The following CSPP1 variants were observed in gnomAD, a reference collection of about 807,000 sequenced individuals.
The protein encoded by CSPP1 is centrosome and spindle pole-associated protein 1.
CSPP1 carries 126 observed loss-of-function variants against 164.4 expected under a neutral mutation model. The ratio of observed to expected loss-of-function variants is 0.77; its 90% CI spans 0.66 to 0.89. CSPP1 has a LOEUF of 0.89. CSPP1 is among the 40% of genes least tolerant of loss of function. The pLI, the probability that CSPP1 is intolerant of heterozygous loss-of-function variation, is 0.00. For missense variants in CSPP1, 1,395 were observed against 1,449.8 expected (o/e 0.96, Z 0.61); for synonymous variants, 472 against 476.7 (o/e 0.99, Z 0.13).
At position 67,106,002 on chromosome 8, in the gene CSPP1, C is replaced by T. The variant is rs747249282; in HGVS notation, c.1093+27C>T. The stretch of plus-strand genomic sequence containing the variant: ...TAGGCACAAAACTTCCAACTAGTTG[C>T]GCTTGTATAGAGTGTCTTATAATCC... On this transcript the variant is annotated intron_variant, in intron 9 of 30. Coordinates refer to ENST00000678616, the MANE Select transcript of CSPP1 (RefSeq NM_001382391.1). The T allele has an allele frequency of 2.2e-5, 26 of 1,208,020 alleles. 1 individual carries two copies. Among genetic ancestry groups the T allele is most frequent in the South Asian group, 9.7e-5 (8 of 82,630 alleles). 74.8% of individuals were successfully genotyped at this position (1,208,020 alleles called of 1,614,324 possible).
intron 21 of CSPP1, among the ~76,000 whole-genome samples, chr8:67,160,397 G>A (rs1303564955): frequency 1.3e-5 from 2 of 151,120 alleles, no homozygotes; most frequent in African/African-American, 2.4e-5. Context: ...CTTGGGAGGC[G>A]GAGGTTGCAG....
In CSPP1 at chr8:67,113,345, A is replaced by G. The variant is rs147217070; in HGVS notation, c.1188-460A>G. Among the ~76,000 whole-genome samples, 289 of 152,172 alleles carry G rather than the reference A, an allele frequency of 1.9e-3. 4 individuals carry two copies. Among genetic ancestry groups the G allele is most frequent in the African/African-American group, 6.6e-3 (273 of 41,520 alleles). ...CTTAGTTTTTGCCTTTTTTCCCTCT[A>G]TCTCAGAGGAAGCCAATATCTACTG... is the stretch of plus-strand genomic sequence containing the variant. On this transcript the variant is annotated intron_variant, in intron 10 of 30. Coordinates refer to ENST00000678616, the MANE Select transcript of CSPP1 (RefSeq NM_001382391.1).
intron 29 of CSPP1, among the ~76,000 whole-genome samples, chr8:67,192,753 T>C (rs767002519): frequency 3.9e-5 from 6 of 152,232 alleles, no homozygotes; most frequent in African/African-American, 7.2e-5. Flanking sequence ...TCTAGCAGCA[T>C]TTGTTTAAAG....
chr8:67,185,544 C>CTG, intron 28 of CSPP1, among the ~76,000 whole-genome samples: 1 of 152,166 alleles, frequency 6.6e-6, no homozygotes, highest in South Asian at 2.1e-4. Flanking sequence ...CACCAGTGGT[C>CTG]TGTCGGTTGA....
At position 67,091,895 on chromosome 8, in the gene CSPP1, G is replaced by A. The variant is rs557637402; in HGVS notation, c.384+12G>A. ...GGTTATCTGCTAAGGTAGGTGGATAGGAGTAGTTATTGTGGGTACCAGTTT... is the reference window on the plus strand; with the variant it reads ...GGTTATCTGCTAAGGTAGGTGGATAAGAGTAGTTATTGTGGGTACCAGTTT... On this transcript the variant is annotated intron_variant, in intron 5 of 30. Coordinates refer to ENST00000678616, the MANE Select transcript of CSPP1 (RefSeq NM_001382391.1). 9 of 1,236,148 alleles carry A rather than the reference G, an allele frequency of 7.3e-6. No individual in the cohort carries two copies. In the Admixed American group the frequency reaches 9.7e-5, roughly 13 times the overall value. 76.6% of individuals were successfully genotyped at this position (1,236,148 alleles called of 1,614,324 possible).
intron 28 of CSPP1, among the ~76,000 whole-genome samples, chr8:67,180,133 CA>C (rs1248665661): frequency 6.6e-6 from 1 of 151,960 alleles, no homozygotes; most frequent in Non-Finnish European, 1.5e-5. Flanking sequence ...GAATAGTTGA[CA>C]AACCTGTACA....
At chr8:67,124,963 G>A (rs1819777172) in intron 15 of CSPP1, among the ~76,000 whole-genome samples, 1 of 152,104 alleles carries the variant, frequency 6.6e-6, no homozygotes, top group Non-Finnish European at 1.5e-5. Flanking sequence ...GTGAGCCATT[G>A]TGCCCATCCA....
intron 9 of CSPP1, among the ~76,000 whole-genome samples, chr8:67,110,395 T>C (rs1240801984): frequency 6.6e-6 from 1 of 152,114 alleles, no homozygotes; most frequent in Non-Finnish European, 1.5e-5. Flanking sequence ...CTTTCTGACA[T>C]GTTCCCTGAG....
chr8:67,091,607 G>A (rs1811621557), intron 4 of CSPP1, among the ~76,000 whole-genome samples, 196 bp from the exon 5 acceptor site: 1 of 152,072 alleles, frequency 6.6e-6, no homozygotes. Context: ...GTTGTTGATT[G>A]GAAGAAAATT....
At chr8:67,100,182 A>C (rs949833088) in intron 7 of CSPP1, among the ~76,000 whole-genome samples, 3 of 152,144 alleles carry the variant, frequency 2.0e-5, no homozygotes, top group Non-Finnish European at 4.4e-5. Context: ...ACCTTAGAAC[A>C]TCTTTCATAT....
chr8:67,065,161 C>CCGTAGCT (rs1162406509), intron 1 of CSPP1, among the ~76,000 whole-genome samples: 3 of 152,174 alleles, frequency 2.0e-5, no homozygotes, highest in Non-Finnish European at 4.4e-5. Context: ...TTAATCTTCA[C>CCGTAGCT]CGTAGCTCGT....
intron 28 of CSPP1, among the ~76,000 whole-genome samples, chr8:67,181,797 G>C (rs568601402): frequency 1.3e-5 from 2 of 152,198 alleles, no homozygotes; most frequent in East Asian, 3.9e-4. Context: ...CTTGAAAATA[G>C]AAACTCTTCA....
chr8:67,123,070 T>C (rs977297924), intron 15 of CSPP1: 4 of 152,248 alleles, frequency 2.6e-5, no homozygotes, highest in Non-Finnish European at 5.9e-5. Context: ...CTGATTTGTT[T>C]ATTTTTTGTG....
intron 25 of CSPP1, 96 bp downstream of exon 25, chr8:67,172,651 A>AT: frequency 9.6e-7 from 1 of 1,041,328 alleles, no homozygotes; most frequent in Non-Finnish European, 1.3e-6. Flanking sequence ...CTAAAGTGGA[A>AT]TTTTATCTAT....
Position 67,118,301 on chromosome 8 carries a change from G to A in CSPP1, c.1550G>A (p.Arg517Gln), listed in dbSNP as rs778430027. The change falls in exon 14 of 31, where the codon CGA becomes CAA. Residue 517 changes from arginine (R) to glutamine (Q), a missense_variant. By Grantham distance (43) the Arg-to-Gln change is conservative. Transcript: ENST00000678616. ...CTACCACCTTTGGCTACTAACTATC[G>A]AACTCCTTATGATGATGCATACTAT... ...PLLPPLATNY[R>Q]TPYDDAYYFY... The A allele has an allele frequency of 2.1e-5, 34 of 1,613,064 alleles. No homozygotes were observed. Among genetic ancestry groups the A allele is most frequent in the Non-Finnish European group, 2.5e-5 (30 of 1,179,448 alleles).
Position 67,177,851 on chromosome 8 carries a change from T to A in CSPP1, c.3156+125T>A, listed in dbSNP as rs1563763443. 5.3e-6 allele frequency: 4 copies of A among 750,126 alleles called. No individual in the cohort carries two copies. In the African/African-American group the frequency reaches 6.9e-5, roughly 13 times the overall value. 46.5% of individuals were successfully genotyped at this position (750,126 alleles called of 1,614,324 possible). ...TATTGAATTAAGAACGTAAGTCTTA[T>A]CAGTAAAGTGGATAGCTTGAGAAGT... is the stretch of plus-strand genomic sequence containing the variant. On this transcript the variant is annotated intron_variant, in intron 27 of 30. Coordinates refer to ENST00000678616, the MANE Select transcript of CSPP1 (RefSeq NM_001382391.1).
At chr8:67,176,293 A>G (rs1318199067) in intron 26 of CSPP1, among the ~76,000 whole-genome samples, 1 of 152,154 alleles carries the variant, frequency 6.6e-6, no homozygotes, top group African/African-American at 2.4e-5. Context: ...AGTTATTTTT[A>G]AGAAAAGTTA....
chr8:67,137,967 G>A (rs1475875022), intron 17 of CSPP1, among the ~76,000 whole-genome samples: 2 of 152,204 alleles, frequency 1.3e-5, no homozygotes, highest in East Asian at 1.9e-4. Flanking sequence ...CTAGTAAGAT[G>A]TCTTAGAAAT....
At chr8:67,083,757 T>C (rs915617812) in intron 3 of CSPP1, 3 of 151,786 alleles carry the variant, frequency 2.0e-5, no homozygotes, top group South Asian at 2.1e-4. Context: ...CCTGGCAGCA[T>C]TGTTGTCTTT....
Sources: gnomAD v4.1 joint callset for allele counts (sites outside exome capture counted in the v4.1 genomes callset) on GRCh38, gnomAD v4.1.1 for gene constraint, MANE v1.5 for transcripts, NCBI Gene and HGNC (gene_info 2026-07-23, HGNC 2026-07-21) for gene names.